Variants in GNAL observed in about 807,000 individuals in gnomAD.
GNAL encodes the protein G protein subunit alpha L, also known as guanine nucleotide-binding protein G(olf) subunit alpha.
Under a neutral mutation model 55.1 loss-of-function variants are expected in GNAL, and 18 were observed. The ratio of observed to expected loss-of-function variants is 0.33; its 90% CI spans 0.23 to 0.48. The LOEUF (loss-of-function observed/expected upper bound fraction) is 0.48, where lower values mean the gene tolerates loss of function less well. Among genes scored for constraint, GNAL ranks in the 20% least tolerant of loss-of-function variants. The probability of loss-of-function intolerance (pLI) is 0.99; values close to 1 mark genes in which losing one functional copy is unlikely to be tolerated. For synonymous variants in GNAL, 253 were observed against 237.0 expected (o/e 1.07, Z -0.62); for missense variants, 412 against 614.1 (o/e 0.67, Z 3.48).
chr18:11,689,994 C>T, intron 1 of GNAL, 55 bp downstream of exon 1: 1 of 1,037,062 alleles, frequency 9.6e-7, no homozygotes, highest in African/African-American at 2.2e-5. Flanking sequence ...GCCGGGCCCG[C>T]GGGGGCGGCG....
intron 1 of GNAL, among the ~76,000 whole-genome samples, chr18:11,736,748 T>C (rs2032471348): frequency 6.6e-6 from 1 of 152,336 alleles, no homozygotes; most frequent in African/African-American, 2.4e-5. Flanking sequence ...GGCCAGCCCC[T>C]GGAAGAAGGA....
chr18:11,852,398 A>G (rs1220171328), intron 5 of GNAL: 2 of 379,570 alleles, frequency 5.3e-6, no homozygotes, highest in Admixed American at 8.9e-5. Flanking sequence ...AGATCTGGTC[A>G]AAACTGTATT....
intron 1 of GNAL, among the ~76,000 whole-genome samples, chr18:11,741,581 A>G (rs926870509): frequency 6.6e-6 from 1 of 152,220 alleles, no homozygotes; most frequent in African/African-American, 2.4e-5. Context: ...ATTTATCCTT[A>G]TAATGTCAAG....
intron 5 of GNAL, among the ~76,000 whole-genome samples, chr18:11,829,303 A>G (rs955662701): frequency 6.6e-6 from 1 of 151,766 alleles, no homozygotes; most frequent in African/African-American, 2.4e-5. Context: ...CGTTTCACCC[A>G]TTTTAATACA....
chr18:11,695,315 C>T (rs1265992863), intron 1 of GNAL, among the ~76,000 whole-genome samples: 1 of 152,176 alleles, frequency 6.6e-6, no homozygotes, highest in Non-Finnish European at 1.5e-5. Flanking sequence ...GCTCTTACCG[C>T]TGATCTAACC....
intron 5 of GNAL, among the ~76,000 whole-genome samples, chr18:11,845,920 C>T (rs182096057): frequency 2.2e-4 from 33 of 152,196 alleles, no homozygotes; most frequent in Non-Finnish European, 4.1e-4. Context: ...GCCAGGAAAA[C>T]GCCACTTAAA....
At chr18:11,816,541 G>A (rs2034959510) in intron 4 of GNAL, among the ~76,000 whole-genome samples, 1 of 152,058 alleles carries the variant, frequency 6.6e-6, no homozygotes, top group South Asian at 2.1e-4. Context: ...TGATCCACCT[G>A]CCTCGGGCTC....
At position 11,752,156 on chromosome 18, in the gene GNAL, T is replaced by G; in HGVS notation, c.377-697T>G. 3.1e-5 allele frequency: 9 copies of G among 287,074 alleles called. No homozygotes were observed. Among genetic ancestry groups the G allele is most frequent in the Non-Finnish European group, 4.8e-5 (8 of 167,382 alleles). 17.8% of individuals were successfully genotyped at this position (287,074 alleles called of 1,614,324 possible). A position where few individuals can be genotyped will look rare whatever the true frequency, so the allele number is the denominator to read the frequency against. On this transcript the variant is annotated intron_variant, in intron 1 of 11. Transcript: ENST00000334049. This position sits in a 1 kb window ranked among gnomAD's most constrained non-coding sequence, Gnocchi z 4.5. The stretch of plus-strand genomic sequence containing the variant: ...CGCCCTCGCCCCCCGTCTCCGTTCA[T>G]TGTGCTGTATTCATCCAGCAGATTT...
At chr18:11,699,140 A>G (rs2031495459) in intron 1 of GNAL, among the ~76,000 whole-genome samples, 1 of 152,146 alleles carries the variant, frequency 6.6e-6, no homozygotes, top group Non-Finnish European at 1.5e-5. Context: ...CTCACCTGAC[A>G]GCACCCAGGA....
At chr18:11,824,702 A>T (rs1404044135) in intron 4 of GNAL, among the ~76,000 whole-genome samples, 2 of 19,370 alleles carry the variant, frequency 1.0e-4, no homozygotes, top group Admixed American at 1.6e-3. Flanking sequence ...AAAAAACAAA[A>T]AACTTTTGCA....
rs1295957538 is a variant in GNAL, at chr18:11,751,252, A to C, written c.377-1601A>C. ...CCTTCCCCCAAGTACAACACTGCAA[A>C]CGCCAAGCTGCCGGCTCTGGCCCTA... On this transcript the variant is annotated intron_variant, in intron 1 of 11. Transcript: ENST00000334049. The surrounding 1 kb of genome is among the most constrained non-coding windows in gnomAD (Gnocchi z 4.5). Among the ~76,000 whole-genome samples the C allele has an allele frequency of 2.0e-5, 3 of 151,952 alleles. No homozygotes were observed. The highest frequency in any genetic ancestry group is 7.3e-5 in the African/African-American group (3 of 41,360).
intron 5 of GNAL, among the ~76,000 whole-genome samples, chr18:11,845,481 G>T (rs555887380): frequency 9.2e-5 from 14 of 151,970 alleles, no homozygotes; most frequent in Non-Finnish European, 2.9e-5. Flanking sequence ...CAAATAATAA[G>T]AACACAGATT....
intron 1 of GNAL, chr18:11,702,002 G>T (rs1406867863): frequency 2.0e-5 from 3 of 152,128 alleles, no homozygotes; most frequent in Admixed American, 2.0e-4. Flanking sequence ...ATCACTGAAA[G>T]GAAGGTGGAT....
intron 1 of GNAL, among the ~76,000 whole-genome samples, chr18:11,703,783 C>T (rs2031636752): frequency 7.2e-6 from 1 of 139,034 alleles, no homozygotes; most frequent in Non-Finnish European, 1.5e-5. Flanking sequence ...ATAGGAGGCC[C>T]AGTGTTGATG....
chr18:11,864,258 G>GT (rs1165148686), intron 6 of GNAL, among the ~76,000 whole-genome samples: 2 of 151,772 alleles, frequency 1.3e-5, no homozygotes, highest in African/African-American at 4.8e-5. Context: ...GGCTAATTTG[G>GT]TTTTTTTGTA....
chr18:11,725,875 C>G (rs181416212), intron 1 of GNAL, among the ~76,000 whole-genome samples: 1 of 152,326 alleles, frequency 6.6e-6, no homozygotes, highest in East Asian at 1.9e-4. Context: ...GCAGCTGTAA[C>G]ATTTTGCATT....
At chr18:11,820,963 C>T (rs2035075297) in intron 4 of GNAL, among the ~76,000 whole-genome samples, 1 of 152,254 alleles carries the variant, frequency 6.6e-6, no homozygotes, top group Admixed American at 6.5e-5. Context: ...AAGCACTTCT[C>T]TGTAATTCTC....
chr18:11,796,980 G>T (rs916470622), intron 4 of GNAL, among the ~76,000 whole-genome samples: 3 of 152,030 alleles, frequency 2.0e-5, no homozygotes, highest in African/African-American at 7.2e-5. Context: ...TTTGAGACAG[G>T]GTCTCACTGT....
intron 4 of GNAL, among the ~76,000 whole-genome samples, chr18:11,764,606 A>G (rs1299709487): frequency 6.6e-6 from 1 of 152,188 alleles, no homozygotes; most frequent in Non-Finnish European, 1.5e-5. Flanking sequence ...CAGGAGTTTG[A>G]GAGACAAGCC....
Sources: allele counts gnomAD v4.1 joint callset (sites outside exome capture counted in the v4.1 genomes callset), GRCh38; gene constraint gnomAD v4.1.1; non-coding constraint Gnocchi (gnomAD v3.1); transcripts MANE v1.5; gene names NCBI Gene and HGNC (gene_info 2026-07-23, HGNC 2026-07-21).